Variants in LRBA observed in about 807,000 individuals in gnomAD.
LRBA encodes LPS responsive beige-like anchor protein.
A neutral mutation model predicts 330.0 loss-of-function variants in LRBA; 176 were observed. That is an observed-to-expected ratio of 0.53 (90% confidence interval 0.47 to 0.60). LRBA has a LOEUF of 0.60. LRBA is among the 20% of genes least tolerant of loss of function. The pLI is 0.00. For synonymous variants in LRBA, 1,230 were observed against 1,193.0 expected, an observed-to-expected ratio of 1.03 and a Z score of -0.64; for missense variants, 3,259 against 3,444.8, an observed-to-expected ratio of 0.95 and a Z score of 1.35.
chr4:150,735,187 A>G lies in LRBA; in HGVS notation c.5754+71T>C, dbSNP rs1027221855. The G allele has an allele frequency of 9.6e-6, 11 of 1,140,536 alleles. No individual in the cohort carries two copies. In the Middle Eastern group the frequency reaches 1.2e-3, roughly 123 times the overall value. 70.7% of individuals were successfully genotyped at this position (1,140,536 alleles called of 1,614,324 possible). On this transcript the variant is annotated intron_variant, in intron 36 of 56. Transcript: ENST00000651943. ...TATGTTTCTTTGGACCTGCCATTTTACCGGGACAATTTCTCATGATTATCA... is the reference window on the plus strand; with the variant it reads ...TATGTTTCTTTGGACCTGCCATTTTGCCGGGACAATTTCTCATGATTATCA...
At chr4:150,561,996 T>C (rs1216535850) in intron 40 of LRBA, among the ~76,000 whole-genome samples, 2 of 152,166 alleles carry the variant, frequency 1.3e-5, no homozygotes, top group Non-Finnish European at 2.9e-5. Flanking sequence ...TATCTATTAC[T>C]ACCCTTCATC....
At chr4:150,954,303 A>G (rs1034322760) in intron 2 of LRBA, among the ~76,000 whole-genome samples, 4 of 152,150 alleles carry the variant, frequency 2.6e-5, no homozygotes, top group African/African-American at 9.7e-5. Context: ...CATGATGACG[A>G]TGGCGGTTTT....
intron 48 of LRBA, among the ~76,000 whole-genome samples, chr4:150,328,237 C>T (rs1733541920): frequency 2.6e-5 from 4 of 152,078 alleles, no homozygotes; most frequent in Admixed American, 1.3e-4. Context: ...AGGAGAAAGA[C>T]AGTAAATTTT....
chr4:150,296,665 G>A (rs1016479669), intron 53 of LRBA, among the ~76,000 whole-genome samples: 2 of 150,332 alleles, frequency 1.3e-5, no homozygotes, highest in Admixed American at 6.6e-5. Flanking sequence ...CTGTTGCTTC[G>A]TAAAAAAAAA....
At chr4:150,596,656 A>G (rs1350022213) in intron 38 of LRBA, among the ~76,000 whole-genome samples, 1 of 151,852 alleles carries the variant, frequency 6.6e-6, no homozygotes, top group Admixed American at 6.6e-5. Context: ...TGTTTTGCAT[A>G]CTTAATTCTT....
intron 2 of LRBA, among the ~76,000 whole-genome samples, chr4:150,940,545 T>C (rs1579267866): frequency 6.6e-6 from 1 of 152,354 alleles, no homozygotes; most frequent in African/African-American, 2.4e-5. Flanking sequence ...TACTTTTATA[T>C]ACTTTACACA....
intron 42 of LRBA, among the ~76,000 whole-genome samples, chr4:150,477,585 G>C (rs1157203775): frequency 6.6e-6 from 1 of 152,108 alleles, no homozygotes; most frequent in Non-Finnish European, 1.5e-5. Context: ...ATTATAATTT[G>C]AGATGAGATT....
intron 53 of LRBA, among the ~76,000 whole-genome samples, chr4:150,300,740 T>C (rs1208019687): frequency 6.6e-6 from 1 of 152,150 alleles, no homozygotes; most frequent in Non-Finnish European, 1.5e-5. Context: ...TTTAAATGTA[T>C]ACATATATCA....
intron 47 of LRBA, among the ~76,000 whole-genome samples, chr4:150,355,300 T>C (rs1737689847): frequency 6.6e-6 from 1 of 152,028 alleles, no homozygotes; most frequent in Non-Finnish European, 1.5e-5. Context: ...ACAAAGGAAA[T>C]TATTAGATAA....
intron 34 of LRBA, among the ~76,000 whole-genome samples, chr4:150,782,194 A>C (rs1274082056): frequency 6.6e-6 from 1 of 152,230 alleles, no homozygotes; most frequent in Non-Finnish European, 1.5e-5. Context: ...GGCGTGAGCC[A>C]CTGCACCTGG....
chr4:150,505,407 G>C (rs1293422111), intron 40 of LRBA, among the ~76,000 whole-genome samples: 1 of 152,090 alleles, frequency 6.6e-6, no homozygotes, highest in African/African-American at 2.4e-5. Flanking sequence ...AATCAAACTA[G>C]AACTCAGGAT....
At chr4:150,458,069 A>G (rs1284791480) in intron 44 of LRBA, among the ~76,000 whole-genome samples, 1 of 151,878 alleles carries the variant, frequency 6.6e-6, no homozygotes, top group Non-Finnish European at 1.5e-5. Flanking sequence ...ATGTTAAAAA[A>G]CAATGTCTTT....
chr4:150,585,968 A>G (rs1772065736), intron 40 of LRBA, among the ~76,000 whole-genome samples: 1 of 152,178 alleles, frequency 6.6e-6, no homozygotes, highest in Non-Finnish European at 1.5e-5. Context: ...TGTGTTAAAA[A>G]TATAAACTTT....
intron 35 of LRBA, among the ~76,000 whole-genome samples, chr4:150,746,555 G>C (rs932573474): frequency 3.9e-4 from 57 of 146,710 alleles, no homozygotes; most frequent in South Asian, 8.7e-4. Flanking sequence ...CCATCGCCCA[G>C]GCTGGAGTAC....
At chr4:150,333,832 A>C (rs1249494480) in intron 48 of LRBA, among the ~76,000 whole-genome samples, 1 of 152,212 alleles carries the variant, frequency 6.6e-6, no homozygotes, top group African/African-American at 2.4e-5. Flanking sequence ...GTTTGTATTT[A>C]ATTCCTAAAG....
chr4:150,459,916 T>C (rs1295861750), intron 44 of LRBA, among the ~76,000 whole-genome samples: 2 of 151,976 alleles, frequency 1.3e-5, no homozygotes, highest in Non-Finnish European at 2.9e-5. Flanking sequence ...AGATCTATTA[T>C]TTACTGTTGT....
At position 150,867,708 on chromosome 4, in the gene LRBA, C is replaced by T. The variant is rs1199894762; in HGVS notation, c.2729G>A (p.Arg910His). 11 of 1,613,474 alleles carry T rather than the reference C, an allele frequency of 6.8e-6. No homozygotes were observed. Among genetic ancestry groups the T allele is most frequent in the South Asian group, 3.3e-5 (3 of 91,006 alleles). ...GATTGATAAAGTGTCTACCCATACA[C>T]GCCAGCCACCCCACTCATATTTGAC... ...HAVKYEWGGW[R>H]VWVDTLSITH... The change falls in exon 22 of 57, where the codon CGT becomes CAT. Residue 910 changes from arginine (R) to histidine (H), a missense_variant. Arg to His is a conservative substitution (Grantham distance 29). Coordinates refer to ENST00000651943, the MANE Select transcript of LRBA (RefSeq NM_001364905.1).
intron 47 of LRBA, among the ~76,000 whole-genome samples, chr4:150,370,461 A>T (rs559620931): frequency 6.6e-6 from 1 of 151,946 alleles, no homozygotes; most frequent in Admixed American, 6.5e-5. Context: ...TATGATTCCA[A>T]CTATATGATA....
rs372076893 is a variant in LRBA at position 150,489,886 on chromosome 4, T to C, written c.6448+1032A>G. On this transcript the variant is annotated intron_variant, in intron 41 of 56. Transcript: ENST00000651943. ...AAAAATCATCATAGGTTATGGCAGATGGTCAAGGCCACGAGGCAAAGGCAA... is the reference window on the plus strand; with the variant it reads ...AAAAATCATCATAGGTTATGGCAGACGGTCAAGGCCACGAGGCAAAGGCAA... Among the ~76,000 whole-genome samples, 64 of 150,006 alleles carry C rather than the reference T, an allele frequency of 4.3e-4. 1 individual carries two copies. In the East Asian group the frequency reaches 0.012, roughly 28 times the overall value.
Sources: gnomAD v4.1 joint callset for allele counts (sites outside exome capture counted in the v4.1 genomes callset) on GRCh38, gnomAD v4.1.1 for gene constraint, MANE v1.5 for transcripts, NCBI Gene and HGNC (gene_info 2026-07-23, HGNC 2026-07-21) for gene names.